Variants in MAP2K5 observed in about 807,000 individuals in gnomAD.
The protein encoded by MAP2K5 is dual specificity mitogen-activated protein kinase kinase 5.
MAP2K5 carries 49 observed loss-of-function variants against 83.1 expected under a neutral mutation model. That is an observed-to-expected ratio of 0.59 (90% CI 0.47 to 0.75). The LOEUF is 0.75. Among genes scored for constraint, MAP2K5 ranks in the 30% least tolerant of loss-of-function variants. The pLI is 0.00. For missense variants in MAP2K5, 457 were observed against 557.5 expected (o/e 0.82, Z 1.82); for synonymous variants, 202 against 191.8 (o/e 1.05, Z -0.44).
chr15:67,741,385 C>T (rs952483257), intron 17 of MAP2K5, among the ~76,000 whole-genome samples: 4 of 152,176 alleles, frequency 2.6e-5, no homozygotes, highest in Non-Finnish European at 5.9e-5. Flanking sequence ...AATTCATATT[C>T]GGTTCTCTCC....
rs998080294 is a variant in MAP2K5 at position 67,802,688 on chromosome 15, C to T, written c.1243-3958C>T. On this transcript the variant is annotated intron_variant, in intron 21 of 21. Transcript: ENST00000178640. The surrounding 1 kb of genome is among the most constrained non-coding windows in gnomAD (Gnocchi z 5.0). ...GCTAACATGCTTTCCGCGTGAAGGACGGAGGCCTAGATGCCTGGGGCGGTC... is the reference window on the plus strand; with the variant it reads ...GCTAACATGCTTTCCGCGTGAAGGATGGAGGCCTAGATGCCTGGGGCGGTC... Among the ~76,000 whole-genome samples the T allele has an allele frequency of 3.9e-5, 6 of 152,226 alleles. No homozygotes were observed. Among genetic ancestry groups the T allele is most frequent in the African/African-American group, 1.4e-4 (6 of 41,448 alleles).
intron 8 of MAP2K5, among the ~76,000 whole-genome samples, chr15:67,629,527 C>T (rs1429943225): frequency 6.6e-6 from 1 of 151,960 alleles, no homozygotes; most frequent in Non-Finnish European, 1.5e-5. Context: ...AATGATGTTT[C>T]CATGTTGGCA....
At chr15:67,586,235 A>T (rs1396535057) in intron 5 of MAP2K5, among the ~76,000 whole-genome samples, 1 of 152,210 alleles carries the variant, frequency 6.6e-6, no homozygotes, top group Non-Finnish European at 1.5e-5. Flanking sequence ...ACTTCATTTC[A>T]GTGATTAATT....
chr15:67,713,913 T>G (rs2088762192), intron 16 of MAP2K5, among the ~76,000 whole-genome samples: 1 of 152,244 alleles, frequency 6.6e-6, no homozygotes, highest in South Asian at 2.1e-4. Context: ...TAACCAGAAT[T>G]CAGTTCACAT....
chr15:67,739,443 T>C (rs1566947933), intron 17 of MAP2K5, among the ~76,000 whole-genome samples: 1 of 13,926 alleles, frequency 7.2e-5, no homozygotes, highest in Admixed American at 9.7e-4. Flanking sequence ...TATATATATA[T>C]ATATATATAT....
chr15:67,692,432 G>A (rs758750915), intron 13 of MAP2K5, 47 bp from the exon 14 acceptor site: 5 of 1,353,974 alleles, frequency 3.7e-6, no homozygotes, highest in South Asian at 2.3e-5. Context: ...AACAAACGCT[G>A]TAGATACATG....
At chr15:67,695,945 C>A (rs1225596462) in intron 15 of MAP2K5, among the ~76,000 whole-genome samples, 1 of 151,598 alleles carries the variant, frequency 6.6e-6, no homozygotes, top group African/African-American at 2.4e-5. Context: ...AGAAAAGGAG[C>A]AATGATAGCT....
chr15:67,589,296 A>G (rs753920549), intron 6 of MAP2K5, among the ~76,000 whole-genome samples: 1 of 152,154 alleles, frequency 6.6e-6, no homozygotes, highest in Non-Finnish European at 1.5e-5. Flanking sequence ...TGATAGCCAG[A>G]TACTAGCATA....
intron 8 of MAP2K5, among the ~76,000 whole-genome samples, chr15:67,616,891 A>G (rs575547035): frequency 6.6e-5 from 10 of 152,328 alleles, no homozygotes; most frequent in African/African-American, 2.4e-4. Flanking sequence ...CTCTATAAAT[A>G]ATTCACAGAG....
intron 4 of MAP2K5, among the ~76,000 whole-genome samples, chr15:67,584,082 C>A (rs1027954724): frequency 1.3e-5 from 2 of 152,154 alleles, no homozygotes; most frequent in South Asian, 4.1e-4. Flanking sequence ...TCTCCTCATT[C>A]CAAGTAGCAC....
At chr15:67,729,506 T>C (rs1006107719) in intron 17 of MAP2K5, among the ~76,000 whole-genome samples, 3 of 152,056 alleles carry the variant, frequency 2.0e-5, no homozygotes, top group African/African-American at 7.2e-5. Context: ...TGCAGTGGCT[T>C]ACGCCTGTAA....
At chr15:67,574,831 C>T (rs951516930) in intron 3 of MAP2K5, among the ~76,000 whole-genome samples, 1 of 152,184 alleles carries the variant, frequency 6.6e-6, no homozygotes, top group African/African-American at 2.4e-5. Flanking sequence ...CGTACCGCTG[C>T]ACTCCAGCCT....
At chr15:67,641,424 T>C in intron 9 of MAP2K5, 1 of 917,116 alleles carries the variant, frequency 1.1e-6, no homozygotes, top group Non-Finnish European at 1.3e-6. Context: ...TGACCTGTGA[T>C]TTTGCTCTCT....
chr15:67,758,008 A>G lies in MAP2K5; in HGVS notation c.1134+9407A>G, dbSNP rs762643208. 8.5e-5 allele frequency among the ~76,000 whole-genome samples: 13 copies of G among 152,096 alleles called. No homozygotes were observed. Among genetic ancestry groups the G allele is most frequent in the Non-Finnish European group, 1.8e-4 (12 of 68,008 alleles). On this transcript the variant is annotated intron_variant, in intron 19 of 21. Coordinates refer to ENST00000178640, the MANE Select transcript of MAP2K5 (RefSeq NM_145160.3). The surrounding 1 kb of genome is among the most constrained non-coding windows in gnomAD (Gnocchi z 4.7). ...TGGCTGGGGTGTTTGGGCAAGTATTATGAGATATAAACCAAGGGCCACATT... is the reference window on the plus strand; with the variant it reads ...TGGCTGGGGTGTTTGGGCAAGTATTGTGAGATATAAACCAAGGGCCACATT...
In MAP2K5 at chr15:67,692,481, G is replaced by A; in HGVS notation, c.850G>A (p.Val284Met). 3.1e-6 allele frequency: 5 copies of A among 1,612,908 alleles called. No individual in the cohort carries two copies. The highest frequency in any genetic ancestry group is 1.1e-5 in the South Asian group (1 of 91,018). ...LWSLKILHRD[V>M]KPSNMLVNTR... ...GGCCTTTTCTGGTCCCTTTTTAGACGTGAAGCCCTCCAATATGCTAGTAAA... is the reference window on the plus strand; with the variant it reads ...GGCCTTTTCTGGTCCCTTTTTAGACATGAAGCCCTCCAATATGCTAGTAAA... Residue 284 changes from valine (V) to methionine (M), a missense_variant and splice_region_variant, in exon 14 of 22, where the codon GTG becomes ATG. Coordinates refer to ENST00000178640, the MANE Select transcript of MAP2K5 (RefSeq NM_145160.3).
Position 67,644,255 on chromosome 15 carries a change from G to A in MAP2K5, c.586-1976G>A, listed in dbSNP as rs531856196. 3.3e-4 allele frequency among the ~76,000 whole-genome samples: 50 copies of A among 152,226 alleles called. No individual in the cohort carries two copies. The highest frequency in any genetic ancestry group is 1.2e-3 in the African/African-American group (48 of 41,542). On this transcript the variant is annotated intron_variant, in intron 9 of 21. Transcript: ENST00000178640. This position sits in a 1 kb window ranked among gnomAD's most constrained non-coding sequence, Gnocchi z 4.6. The stretch of plus-strand genomic sequence containing the variant: ...CTAAAAATAGAAAAATCAACCGGGT[G>A]TGGTGGCAGGTGCCTGTAATCCCAG...
Position 67,636,816 on chromosome 15 carries a change from A to AT in MAP2K5, c.585+5891dup, listed in dbSNP as rs1454102736. ...GGGGTGTGTCTGTGAAGGTGTTAATATTCAGAGAGATTAACATTTGAGTTA... is the reference window on the plus strand; with the variant it reads ...GGGGTGTGTCTGTGAAGGTGTTAATATTTCAGAGAGATTAACATTTGAGTTA... On this transcript the variant is annotated intron_variant, in intron 9 of 21. Transcript: ENST00000178640. This position sits in a 1 kb window ranked among gnomAD's most constrained non-coding sequence, Gnocchi z 4.7. Among the ~76,000 whole-genome samples the AT allele has an allele frequency of 6.6e-6, 1 of 152,192 alleles. No homozygotes were observed. Among genetic ancestry groups the AT allele is most frequent in the East Asian group, 1.9e-4 (1 of 5,206 alleles).
rs760424846 is a variant in MAP2K5, at chr15:67,637,996, ATTTAACTTTT to A, written c.585+7083_585+7092del. Among the ~76,000 whole-genome samples the A allele has an allele frequency of 6.7e-6, 1 of 149,704 alleles. No individual in the cohort carries two copies. Among genetic ancestry groups the A allele is most frequent in the East Asian group, 2.0e-4 (1 of 5,092 alleles). ...TAACTTTTAACTTTTTTAACTTTTA[ATTTAACTTTT>A]TTTAACTTTTTTTTACTTTTAATTT... is the stretch of plus-strand genomic sequence containing the variant. On this transcript the variant is annotated intron_variant, in intron 9 of 21. Coordinates refer to ENST00000178640, the MANE Select transcript of MAP2K5 (RefSeq NM_145160.3). The surrounding 1 kb of genome is among the most constrained non-coding windows in gnomAD (Gnocchi z 4.5).
intron 3 of MAP2K5, among the ~76,000 whole-genome samples, chr15:67,566,477 A>G (rs1281167362): frequency 6.6e-6 from 1 of 152,188 alleles, no homozygotes; most frequent in African/African-American, 2.4e-5. Context: ...TACCCGGCCA[A>G]AAGAGCTTAG....
Sources: gnomAD v4.1 joint callset for allele counts (sites outside exome capture counted in the v4.1 genomes callset) on GRCh38, gnomAD v4.1.1 for gene constraint, Gnocchi (gnomAD v3.1) non-coding constraint, MANE v1.5 for transcripts, NCBI Gene and HGNC (gene_info 2026-07-23, HGNC 2026-07-21) for gene names.